The following TBL1X variants were observed in gnomAD, a reference collection of about 807,000 sequenced individuals.
TBL1X encodes F-box-like/WD repeat-containing protein TBL1X.
In TBL1X, 10 loss-of-function variants were observed where a neutral mutation model predicts 50.7. That is an observed-to-expected ratio of 0.20 (90% CI 0.12 to 0.33). The LOEUF (loss-of-function observed/expected upper bound fraction) is 0.33. Among genes scored for constraint, TBL1X ranks in the 10% least tolerant of loss-of-function variants. The pLI is 1.00. For synonymous variants in TBL1X, 190 were observed against 214.7 expected, an observed-to-expected ratio of 0.88 and a Z score of 1.01; for missense variants, 340 against 504.4, an observed-to-expected ratio of 0.67 and a Z score of 3.12.
intron 2 of TBL1X, among the ~76,000 whole-genome samples, chrX:9,627,277 G>A (rs1014286333): frequency 9.0e-6 from 1 of 111,722 alleles, no homozygotes; most frequent in African/African-American, 3.3e-5. Context: ...TGGTCTTCAT[G>A]GAGCTCGGTC....
chrX:9,482,787 A>G (rs1160044144), intron 1 of TBL1X, among the ~76,000 whole-genome samples: 2 of 111,195 alleles, frequency 1.8e-5, no homozygotes, highest in South Asian at 3.8e-4. Context: ...TGCAAAAGTT[A>G]TATCAGTGAG....
chrX:9,501,410 G>A (rs2082000563), intron 1 of TBL1X, among the ~76,000 whole-genome samples: 1 of 112,161 alleles, frequency 8.9e-6, no homozygotes, highest in Admixed American at 9.4e-5. Flanking sequence ...GCACGGGGCT[G>A]TGGTGAGGGA....
At chrX:9,531,879 C>T (rs947647842) in intron 2 of TBL1X, among the ~76,000 whole-genome samples, 6 of 110,530 alleles carry the variant, frequency 5.4e-5, no homozygotes, top group African/African-American at 1.3e-4. Flanking sequence ...ATTATGGGCG[C>T]GCACCACTAC....
intron 1 of TBL1X, among the ~76,000 whole-genome samples, chrX:9,490,371 C>T (rs941750801): frequency 9.0e-6 from 1 of 111,592 alleles, no homozygotes; most frequent in African/African-American, 3.3e-5. Context: ...TTGACAATGT[C>T]GGGAAACACT....
At chrX:9,501,014 A>T (rs769740682) in intron 1 of TBL1X, among the ~76,000 whole-genome samples, 1 of 111,609 alleles carries the variant, frequency 9.0e-6, no homozygotes, top group Non-Finnish European at 1.9e-5. Flanking sequence ...CAGTAGGGCT[A>T]ACATCCAGAA....
At chrX:9,617,952 G>A (rs935247807) in intron 2 of TBL1X, among the ~76,000 whole-genome samples, 5 of 111,078 alleles carry the variant, frequency 4.5e-5, no homozygotes, top group African/African-American at 6.6e-5. Flanking sequence ...CCGTGTGCAC[G>A]GTGGGAGGTT....
chrX:9,474,414 A>C, intron 1 of TBL1X, among the ~76,000 whole-genome samples: 1 of 113,355 alleles, frequency 8.8e-6, no homozygotes, highest in Non-Finnish European at 1.9e-5. Flanking sequence ...GTGCGTTTGC[A>C]CGCACATGTA....
At chrX:9,502,258 G>GA (rs1320568159) in intron 2 of TBL1X, among the ~76,000 whole-genome samples, 3 of 112,647 alleles carry the variant, frequency 2.7e-5, no homozygotes, top group Admixed American at 9.4e-5. Context: ...TGTGGACCCA[G>GA]AAAATTGATA....
rs1479884812 is a variant in TBL1X, at chrX:9,652,473, C to T, written c.-42-1072C>T. 3.6e-5 allele frequency among the ~76,000 whole-genome samples: 4 copies of T among 112,431 alleles called. No individual in the cohort carries two copies. The East Asian group carries it at 1.1e-3, about 31-fold the overall frequency. ...CCCCCTAAACAAACAAAAACTCAAT[C>T]CTCATTCAACAATGAAAGTTTTGCT... On this transcript the variant is annotated intron_variant, in intron 3 of 17. Transcript: ENST00000645353.
At chrX:9,690,872 G>A (rs1031744516) in intron 7 of TBL1X, among the ~76,000 whole-genome samples, 1 of 110,983 alleles carries the variant, frequency 9.0e-6, no homozygotes, top group African/African-American at 3.3e-5. Context: ...GGGACTACAG[G>A]TGTGCACCAC....
In TBL1X at chrX:9,691,576, C is replaced by T. The variant is rs1487331599; in HGVS notation, c.617-3C>T. ...ACTTGTCTCTTTGTGTTTGCTGTGA[C>T]AGATAATCACGCGAAGCCAATGGAA... On this transcript the variant is annotated splice_polypyrimidine_tract_variant and splice_region_variant and intron_variant, in intron 7 of 17. Transcript: ENST00000645353. 1.7e-6 allele frequency: 2 copies of T among 1,207,584 alleles called. No individual in the cohort carries two copies. The highest frequency in any genetic ancestry group is 2.2e-5 in the Admixed American group (1 of 45,556).
chrX:9,697,894 G>A (rs1261172469), intron 12 of TBL1X, among the ~76,000 whole-genome samples: 1 of 112,076 alleles, frequency 8.9e-6, no homozygotes, highest in Non-Finnish European at 1.9e-5. Flanking sequence ...GACCAGCCTG[G>A]ACAACAAAGC....
intron 2 of TBL1X, among the ~76,000 whole-genome samples, chrX:9,566,293 A>C (rs2283688): frequency 9.9e-5 from 11 of 110,772 alleles, no homozygotes; most frequent in Non-Finnish European, 2.1e-4. Context: ...ACATTGCCCA[A>C]TGTTTCCTGG....
intron 5 of TBL1X, among the ~76,000 whole-genome samples, chrX:9,663,826 A>T (rs1464967130): frequency 9.1e-6 from 1 of 110,395 alleles, no homozygotes; most frequent in Non-Finnish European, 1.9e-5. Context: ...GGACCTGCTT[A>T]AAGTGCTGAA....
In TBL1X at chrX:9,709,692, C is replaced by T; in HGVS notation, c.1371C>T (p.Ile457=). The T allele has an allele frequency of 8.3e-7, 1 of 1,209,565 alleles. No homozygotes were observed. Among genetic ancestry groups the T allele is most frequent in the East Asian group, 3.0e-5 (1 of 33,779 alleles). The change falls in exon 15 of 18, where the codon ATC becomes ATT. Residue 457 remains isoleucine, a synonymous_variant. Coordinates refer to ENST00000645353, the MANE Select transcript of TBL1X (RefSeq NM_005647.4). ...IHDLQAHNKE[I]YTIKWSPTGP... is the part of the protein sequence containing the mutation. ...ATCTTCAGGCTCACAATAAAGAGAT[C>T]TACACCATCAAGTGGAGCCCCACTG...
intron 2 of TBL1X, among the ~76,000 whole-genome samples, chrX:9,633,701 G>GAGA (rs1289593053): frequency 8.9e-6 from 1 of 112,163 alleles, no homozygotes; most frequent in Non-Finnish European, 1.9e-5. Flanking sequence ...ATACACATTG[G>GAGA]AGAACACATA....
chrX:9,512,965 C>T (rs903326161), intron 2 of TBL1X, among the ~76,000 whole-genome samples: 2 of 111,150 alleles, frequency 1.8e-5, no homozygotes, highest in African/African-American at 6.5e-5. Flanking sequence ...TCCCTTGAGC[C>T]TACAACCACA....
chrX:9,634,615 G>A (rs2082736954), intron 2 of TBL1X, among the ~76,000 whole-genome samples: 2 of 110,546 alleles, frequency 1.8e-5, no homozygotes, highest in African/African-American at 6.6e-5. Flanking sequence ...GCCTCCCAAA[G>A]TGCTGCAATT....
chrX:9,524,300 A>G (rs1481172651), intron 2 of TBL1X, among the ~76,000 whole-genome samples: 3 of 111,850 alleles, frequency 2.7e-5, no homozygotes, highest in Non-Finnish European at 5.6e-5. Flanking sequence ...ACAGTTCAGT[A>G]ACAGCAAGTA....
Sources: allele counts gnomAD v4.1 joint callset (sites outside exome capture counted in the v4.1 genomes callset), GRCh38; gene constraint gnomAD v4.1.1; transcripts MANE v1.5; gene names NCBI Gene and HGNC (gene_info 2026-07-23, HGNC 2026-07-21).